Variants in PLCB1 observed in about 807,000 individuals in gnomAD.
PLCB1 encodes the protein 1-phosphatidylinositol 4,5-bisphosphate phosphodiesterase beta-1.
A neutral mutation model predicts 161.8 loss-of-function variants in PLCB1; 46 were observed. The observed-to-expected ratio is 0.28, with a 90% CI of 0.22 to 0.36. The LOEUF is 0.36. PLCB1 is among the 10% of genes least tolerant of loss of function. The pLI is 1.00. For missense variants in PLCB1, 1,016 were observed against 1,472.5 expected, an observed-to-expected ratio of 0.69 and a Z score of 5.07; for synonymous variants, 517 against 503.7, an observed-to-expected ratio of 1.03 and a Z score of -0.35.
At chr20:8,606,583 A>G (rs1028783965) in intron 3 of PLCB1, among the ~76,000 whole-genome samples, 5 of 152,308 alleles carry the variant, frequency 3.3e-5, no homozygotes, top group African/African-American at 1.2e-4. Context: ...CTATCTACCC[A>G]ACTCAATATG....
At chr20:8,346,430 C>T (rs1486906430) in intron 2 of PLCB1, among the ~76,000 whole-genome samples, 1 of 152,200 alleles carries the variant, frequency 6.6e-6, no homozygotes, top group Non-Finnish European at 1.5e-5. Context: ...AATGCAGGAG[C>T]TTTGCACCAA....
chr20:8,733,136 A>G lies in PLCB1; in HGVS notation c.1889-102A>G, dbSNP rs1384260416. ...TACAATGACTCTCTTCCAAGGGAAT[A>G]CAGTCACAAAAGTGGACTGGGATCA... On this transcript the variant is annotated intron_variant, in intron 18 of 31. Transcript: ENST00000338037. 6.9e-6 allele frequency: 8 copies of G among 1,159,180 alleles called. No homozygotes were observed. The African/African-American group carries it at 1.1e-4, about 15-fold the overall frequency. 71.8% of individuals were successfully genotyped at this position (1,159,180 alleles called of 1,614,324 possible).
intron 3 of PLCB1, among the ~76,000 whole-genome samples, chr20:8,522,956 G>A (rs922055668): frequency 6.6e-6 from 1 of 152,114 alleles, no homozygotes; most frequent in Non-Finnish European, 1.5e-5. Context: ...CAATTGCTGG[G>A]ACATTTTAGT....
At chr20:8,745,374 CT>C (rs1297946605) in intron 23 of PLCB1, among the ~76,000 whole-genome samples, 2 of 152,058 alleles carry the variant, frequency 1.3e-5, no homozygotes, top group Admixed American at 1.3e-4. Context: ...GCAGCAAAGA[CT>C]TTTTTAGTAT....
intron 2 of PLCB1, among the ~76,000 whole-genome samples, chr20:8,347,797 T>C (rs1568641224): frequency 6.6e-6 from 1 of 152,188 alleles, no homozygotes; most frequent in Non-Finnish European, 1.5e-5. Flanking sequence ...AAATTTTTTA[T>C]TGAATTCCAT....
intron 2 of PLCB1, among the ~76,000 whole-genome samples, chr20:8,271,262 C>G (rs1434514550): frequency 6.6e-6 from 1 of 152,046 alleles, no homozygotes. Flanking sequence ...TTAGTCTAAC[C>G]TCATCTTCTT....
At chr20:8,515,597 A>G (rs546665797) in intron 3 of PLCB1, among the ~76,000 whole-genome samples, 94 of 152,240 alleles carry the variant, frequency 6.2e-4, no homozygotes, top group African/African-American at 2.0e-3. Flanking sequence ...ACTTCCCACA[A>G]TCTGGGTCAT....
intron 27 of PLCB1, among the ~76,000 whole-genome samples, chr20:8,775,504 G>T (rs1982899515): frequency 6.6e-6 from 1 of 152,166 alleles, no homozygotes; most frequent in Admixed American, 6.5e-5. Flanking sequence ...TCTTTGCTGA[G>T]GGTCTGTGCA....
chr20:8,352,560 G>A (rs998046706), intron 2 of PLCB1, among the ~76,000 whole-genome samples: 26 of 152,054 alleles, frequency 1.7e-4, no homozygotes, highest in African/African-American at 6.0e-4. Flanking sequence ...AAAACATCAA[G>A]AGAATCCCAG....
intron 27 of PLCB1, among the ~76,000 whole-genome samples, chr20:8,785,939 T>C (rs1289815277): frequency 2.0e-5 from 3 of 152,116 alleles, no homozygotes; most frequent in African/African-American, 7.2e-5. Flanking sequence ...CAGTGGCTTG[T>C]AGAATGAGGG....
Position 8,724,765 on chromosome 20 carries a change from T to G in PLCB1, c.1678+13T>G. 1 of 1,461,812 alleles carries G rather than the reference T, an allele frequency of 6.8e-7. No individual in the cohort carries two copies. The highest frequency in any genetic ancestry group is 1.1e-5 in the South Asian group (1 of 87,306). The allele number at this position is 1,461,812 out of a possible 1,614,324, so 90.6% of individuals were successfully genotyped here. On this transcript the variant is annotated intron_variant, in intron 16 of 31. Transcript: ENST00000338037. The stretch of plus-strand genomic sequence containing the variant: ...GAAATTTCAAAAAGTAAGTTTTCCC[T>G]GGAGAAAAACCCCTCTTGCAGCATA...
chr20:8,480,875 G>A (rs553904844), intron 3 of PLCB1, among the ~76,000 whole-genome samples: 20 of 150,838 alleles, frequency 1.3e-4, no homozygotes, highest in Non-Finnish European at 2.5e-4. Flanking sequence ...AGGCTGAGGC[G>A]GGCTGATCAC....
intron 2 of PLCB1, among the ~76,000 whole-genome samples, chr20:8,309,020 A>G (rs539053487): frequency 7.9e-5 from 12 of 152,184 alleles, no homozygotes; most frequent in South Asian, 4.1e-4. Flanking sequence ...TTGGGGGAAA[A>G]AAAACATTGT....
chr20:8,692,360 T>C (rs1267849869), intron 10 of PLCB1, among the ~76,000 whole-genome samples: 2 of 152,170 alleles, frequency 1.3e-5, no homozygotes. Flanking sequence ...CAACGTTTTA[T>C]CATTTGTTTT....
chr20:8,637,031 CAAA>C (rs5840275), intron 4 of PLCB1, among the ~76,000 whole-genome samples: 4 of 122,166 alleles, frequency 3.3e-5, no homozygotes, highest in Admixed American at 1.6e-4. Flanking sequence ...ATGAGCACCA[CAAA>C]AAAAAAAAAA....
intron 20 of PLCB1, among the ~76,000 whole-genome samples, chr20:8,738,699 A>G (rs1244465736): frequency 1.3e-5 from 2 of 152,188 alleles, no homozygotes; most frequent in African/African-American, 4.8e-5. Context: ...AAAACAGCCT[A>G]TTTTTTTAAC....
chr20:8,595,307 G>T (rs1987301783), intron 3 of PLCB1, among the ~76,000 whole-genome samples: 2 of 139,780 alleles, frequency 1.4e-5, no homozygotes, highest in Admixed American at 7.6e-5. Flanking sequence ...GTGTCCATGT[G>T]ATCTCATTGT....
chr20:8,261,286 CTT>C (rs1568609052), intron 2 of PLCB1, among the ~76,000 whole-genome samples: 1 of 152,078 alleles, frequency 6.6e-6, no homozygotes, highest in Non-Finnish European at 1.5e-5. Flanking sequence ...AGAAAGAGAA[CTT>C]CATACACTTG....
chr20:8,139,081 G>GTTTTTTTTTTTTTT (rs71329695), intron 1 of PLCB1, among the ~76,000 whole-genome samples: 5 of 91,628 alleles, frequency 5.5e-5, no homozygotes, highest in East Asian at 3.4e-4. Flanking sequence ...TATTTCAAGG[G>GTTTTTTTTTTTTTT]TTTTTTTTTT....
Sources: gnomAD v4.1 joint callset for allele counts (sites outside exome capture counted in the v4.1 genomes callset) on GRCh38, gnomAD v4.1.1 for gene constraint, MANE v1.5 for transcripts, NCBI Gene and HGNC (gene_info 2026-07-23, HGNC 2026-07-21) for gene names.